ST18: variants seen among roughly 807,000 people sequenced by gnomAD.
The protein encoded by ST18 is ST18 C2H2C-type zinc finger transcription factor.
Under a neutral mutation model 110.0 loss-of-function variants are expected in ST18, and 50 were observed. The ratio of observed to expected loss-of-function variants is 0.45; its 90% confidence interval spans 0.36 to 0.58. The LOEUF (loss-of-function observed/expected upper bound fraction) is 0.58, where lower values mean the gene tolerates loss of function less well. ST18 is among the 20% of genes least tolerant of loss of function. ST18 has a pLI of 0.00. For missense variants in ST18, 1,306 were observed against 1,280.1 expected, an observed-to-expected ratio of 1.02 and a Z score of -0.31; for synonymous variants, 461 against 452.4, an observed-to-expected ratio of 1.02 and a Z score of -0.24.
chr8:52,327,006 A>G (rs1806755319), intron 2 of ST18, among the ~76,000 whole-genome samples: 2 of 152,324 alleles, frequency 1.3e-5, no homozygotes, highest in Non-Finnish European at 1.5e-5. Context: ...GTGCCACCGG[A>G]GAGGGAGCCC....
chr8:52,240,557 C>T lies in ST18; in HGVS notation c.-464-10480G>A, dbSNP rs140633403. Among the ~76,000 whole-genome samples, 89 of 152,274 alleles carry T rather than the reference C, an allele frequency of 5.8e-4. 1 individual carries two copies. Among genetic ancestry groups the T allele is most frequent in the African/African-American group, 2.1e-3 (86 of 41,558 alleles). ...CTCACTTTACATTTGTTTCCTATTT[C>T]ATCTACTTTTTCTTTCTTCCATATC... On this transcript the variant is annotated intron_variant, in intron 2 of 25. Coordinates refer to ENST00000689386, the MANE Select transcript of ST18 (RefSeq NM_001352837.2).
chr8:52,379,699 C>A (rs750046953), intron 2 of ST18, among the ~76,000 whole-genome samples: 1 of 152,056 alleles, frequency 6.6e-6, no homozygotes, highest in African/African-American at 2.4e-5. Flanking sequence ...ATTAAATATA[C>A]ACGAATATAT....
rs774116932 is a variant in ST18, at chr8:52,110,840, G to A, written c.*2358C>T. ...CCTGAGAAAGATCACATCAAAACTC[G>A]TTATCAATTTTTATTTCCTACCATA... On this transcript the variant is annotated 3_prime_UTR_variant, in exon 26 of 26. Coordinates refer to ENST00000689386, the MANE Select transcript of ST18 (RefSeq NM_001352837.2). 52 of 376,560 alleles carry A rather than the reference G, an allele frequency of 1.4e-4. No individual in the cohort carries two copies. Among genetic ancestry groups the A allele is most frequent in the South Asian group, 5.9e-4 (4 of 6,788 alleles). 23.3% of individuals were successfully genotyped at this position (376,560 alleles called of 1,614,324 possible).
chr8:52,283,055 G>C (rs2095413022), intron 2 of ST18, among the ~76,000 whole-genome samples: 1 of 152,192 alleles, frequency 6.6e-6, no homozygotes. Context: ...GGTTGGATCA[G>C]GGCACTGGGG....
At chr8:52,213,750 C>A (rs2083065459) in intron 7 of ST18, among the ~76,000 whole-genome samples, 1 of 152,040 alleles carries the variant, frequency 6.6e-6, no homozygotes, top group Admixed American at 6.6e-5. Context: ...CTGAGACAGT[C>A]AAAAAACAAA....
intron 10 of ST18, 115 bp from the exon 11 acceptor site, chr8:52,167,101 A>G: frequency 1.5e-6 from 2 of 1,366,482 alleles, no homozygotes; most frequent in Admixed American, 2.2e-5. Context: ...CGTTATAAAC[A>G]TTCTTCTCAC....
rs537037958 is a variant in ST18 at position 52,158,947 on chromosome 8, C to T, written c.1757G>A (p.Arg586Lys). 1.2e-6 allele frequency: 2 copies of T among 1,614,060 alleles called. No homozygotes were observed. The highest frequency in any genetic ancestry group is 4.5e-5 in the East Asian group (2 of 44,884). The change falls in exon 15 of 26, where the codon AGG becomes AAG. Residue 586 changes from arginine to lysine, a missense_variant. By Grantham distance (26) the Arg-to-Lys change is conservative. Coordinates refer to ENST00000689386, the MANE Select transcript of ST18 (RefSeq NM_001352837.2). The stretch of plus-strand genomic sequence containing the variant: ...GTTGGAGAGGATGTCTGTGGCTTCC[C>T]TGCAGCGGGTGGAAAGGTTCAGGAT... ...AAILNLSTRCREATDILSNKP... is the reference protein window; with the variant it reads ...AAILNLSTRCKEATDILSNKP...
At chr8:52,315,479 C>A (rs985278016) in intron 2 of ST18, among the ~76,000 whole-genome samples, 1 of 152,180 alleles carries the variant, frequency 6.6e-6, no homozygotes, top group African/African-American at 2.4e-5. Flanking sequence ...AAAATTGTAG[C>A]CCCACTTATC....
At chr8:52,286,891 G>C (rs560590319) in intron 2 of ST18, among the ~76,000 whole-genome samples, 3 of 152,020 alleles carry the variant, frequency 2.0e-5, no homozygotes, top group Non-Finnish European at 4.4e-5. Context: ...CTCTGGGGCT[G>C]TGGCTTGGAA....
chr8:52,311,165 A>G (rs756581576), intron 2 of ST18, among the ~76,000 whole-genome samples: 1 of 152,212 alleles, frequency 6.6e-6, no homozygotes, highest in Non-Finnish European at 1.5e-5. Context: ...GTTCTGTTTG[A>G]AATCCTTGCC....
chr8:52,174,654 G>A (rs574009537), intron 9 of ST18, among the ~76,000 whole-genome samples: 2 of 152,146 alleles, frequency 1.3e-5, no homozygotes, highest in Non-Finnish European at 2.9e-5. Context: ...CCAACTGCTC[G>A]CATTTTGGGT....
chr8:52,215,706 G>C (rs1352333784), intron 6 of ST18, among the ~76,000 whole-genome samples: 1 of 152,048 alleles, frequency 6.6e-6, no homozygotes, highest in Non-Finnish European at 1.5e-5. Flanking sequence ...ATAAAACCGG[G>C]GTGATTTTTT....
At chr8:52,185,443 G>C (rs748085142) in intron 8 of ST18, among the ~76,000 whole-genome samples, 1 of 152,124 alleles carries the variant, frequency 6.6e-6, no homozygotes, top group Non-Finnish European at 1.5e-5. Flanking sequence ...CTGTGGAAAT[G>C]AAAAGAACCA....
chr8:52,194,544 A>C (rs976888655), intron 8 of ST18: 1 of 152,240 alleles, frequency 6.6e-6, no homozygotes, highest in African/African-American at 2.4e-5. Flanking sequence ...AGATGTGAGC[A>C]TATGAAGATG....
chr8:52,232,539 G>A (rs768562978), intron 2 of ST18, among the ~76,000 whole-genome samples: 3 of 151,982 alleles, frequency 2.0e-5, no homozygotes, highest in Non-Finnish European at 2.9e-5. Context: ...ATGGTGCAAC[G>A]TGTTTCTTAA....
chr8:52,211,931 C>T (rs1409091323), intron 8 of ST18, 148 bp downstream of exon 8: 2 of 745,502 alleles, frequency 2.7e-6, no homozygotes, highest in Non-Finnish European at 2.3e-6. Flanking sequence ...CCTCCGCCTT[C>T]TTGGTGCATA....
intron 8 of ST18, among the ~76,000 whole-genome samples, chr8:52,204,225 G>T (rs148167710): frequency 2.0e-5 from 3 of 152,160 alleles, no homozygotes; most frequent in African/African-American, 7.2e-5. Flanking sequence ...CATTCCCCAA[G>T]AATTCATAGA....
At chr8:52,391,749 T>C (rs1839380321) in intron 2 of ST18, among the ~76,000 whole-genome samples, 1 of 152,160 alleles carries the variant, frequency 6.6e-6, no homozygotes, top group African/African-American at 2.4e-5. Flanking sequence ...CACCTAAGGA[T>C]GCATCTCTCA....
intron 2 of ST18, among the ~76,000 whole-genome samples, chr8:52,361,435 G>T (rs146635300): frequency 9.2e-5 from 14 of 152,322 alleles, no homozygotes; most frequent in African/African-American, 3.4e-4. Flanking sequence ...GCCTGAGAGT[G>T]GGAGAAGGGA....
Sources: gnomAD v4.1 joint callset for allele counts (sites outside exome capture counted in the v4.1 genomes callset) on GRCh38, gnomAD v4.1.1 for gene constraint, MANE v1.5 for transcripts, NCBI Gene and HGNC (gene_info 2026-07-23, HGNC 2026-07-21) for gene names.